Variants in ETV6 observed in about 807,000 individuals in gnomAD.
ETV6 encodes the protein transcription factor ETV6.
A neutral mutation model predicts 51.1 loss-of-function variants in ETV6; 16 were observed. The observed-to-expected ratio is 0.31, with a 90% CI of 0.21 to 0.48. The LOEUF (loss-of-function observed/expected upper bound fraction) is 0.48, where lower values mean the gene tolerates loss of function less well. ETV6 is among the 20% of genes least tolerant of loss of function. The pLI is 0.99. For synonymous variants in ETV6, 240 were observed against 224.1 expected (o/e 1.07, Z -0.64); for missense variants, 458 against 594.8 (o/e 0.77, Z 2.39).
chr12:11,844,776 T>C lies in ETV6; in HGVS notation c.328+5472T>C, dbSNP rs940638034. Among the ~76,000 whole-genome samples, 5 of 149,358 alleles carry C rather than the reference T, an allele frequency of 3.3e-5. No individual in the cohort carries two copies. The South Asian group carries it at 6.3e-4, about 19-fold the overall frequency. Reference sequence around the variant, plus strand: ...GAGCAAGCCAAAAAAAAAAAAAAAGTGTATCACACATCAGAGAAATGCTTC... The same window carrying C: ...GAGCAAGCCAAAAAAAAAAAAAAAGCGTATCACACATCAGAGAAATGCTTC... On this transcript the variant is annotated intron_variant, in intron 3 of 7. Transcript: ENST00000396373.
intron 1 of ETV6, among the ~76,000 whole-genome samples, chr12:11,676,619 T>C (rs1325231514): frequency 1.3e-5 from 2 of 152,246 alleles, no homozygotes; most frequent in Non-Finnish European, 2.9e-5. Context: ...CTGGGGTCTT[T>C]TCTTGAACTC....
intron 1 of ETV6, among the ~76,000 whole-genome samples, chr12:11,720,994 A>T (rs1315562065): frequency 6.6e-6 from 1 of 152,240 alleles, no homozygotes; most frequent in Non-Finnish European, 1.5e-5. Flanking sequence ...TCATCAGAGA[A>T]ATGCAAATCA....
chr12:11,689,828 C>G (rs554752018), intron 1 of ETV6, among the ~76,000 whole-genome samples: 59 of 125,254 alleles, frequency 4.7e-4, no homozygotes, highest in African/African-American at 1.5e-3. Context: ...CCCCCACCCC[C>G]CTTTGTCTTT....
At chr12:11,856,233 C>T (rs1043094741) in intron 4 of ETV6, among the ~76,000 whole-genome samples, 3 of 152,154 alleles carry the variant, frequency 2.0e-5, no homozygotes, top group Admixed American at 6.5e-5. Context: ...GATGTGCCAC[C>T]GCATACGCTG....
At chr12:11,727,742 T>C (rs576598673) in intron 1 of ETV6, among the ~76,000 whole-genome samples, 1 of 152,344 alleles carries the variant, frequency 6.6e-6, no homozygotes, top group South Asian at 2.1e-4. Flanking sequence ...GGCCCGCAGG[T>C]GTGAGCCCCT....
intron 1 of ETV6, among the ~76,000 whole-genome samples, chr12:11,701,208 T>C (rs534452683): frequency 1.3e-5 from 2 of 152,288 alleles, no homozygotes; most frequent in South Asian, 4.1e-4. Flanking sequence ...ATTCACATTG[T>C]TGTGCAACCA....
intron 1 of ETV6, among the ~76,000 whole-genome samples, chr12:11,722,253 T>A (rs1263560997): frequency 6.6e-6 from 1 of 152,216 alleles, no homozygotes. Context: ...TCCTCACCTT[T>A]TATTCTCCCC....
chr12:11,683,085 G>A (rs1435052766), intron 1 of ETV6, among the ~76,000 whole-genome samples: 3 of 152,120 alleles, frequency 2.0e-5, no homozygotes, highest in Non-Finnish European at 4.4e-5. Context: ...AGATGGAATC[G>A]CTCTCTCGCC....
intron 1 of ETV6, among the ~76,000 whole-genome samples, chr12:11,691,912 G>A (rs901629859): frequency 2.6e-5 from 4 of 152,222 alleles, no homozygotes; most frequent in Non-Finnish European, 4.4e-5. Flanking sequence ...CTGGGAGAAT[G>A]TTTGTGGGAA....
At chr12:11,786,095 G>C (rs919878492) in intron 2 of ETV6, among the ~76,000 whole-genome samples, 5 of 152,122 alleles carry the variant, frequency 3.3e-5, no homozygotes, top group Admixed American at 6.6e-5. Flanking sequence ...TTGAGGACGG[G>C]CTACGGTTCT....
chr12:11,740,125 G>A lies in ETV6; in HGVS notation c.34-12325G>A, dbSNP rs1009952. On this transcript the variant is annotated intron_variant, in intron 1 of 7. Transcript: ENST00000396373. ...TGGGAACAAAAAACTACATTCGTGC[G>A]TAGTACGAATTTGTGCCTGCTGGGT... 4.6e-5 allele frequency among the ~76,000 whole-genome samples: 7 copies of A among 152,330 alleles called. No individual in the cohort carries two copies. The South Asian group carries it at 6.2e-4, about 14-fold the overall frequency.
chr12:11,663,266 C>T lies in ETV6; in HGVS notation c.33+13106C>T, dbSNP rs575992633. On this transcript the variant is annotated intron_variant, in intron 1 of 7. Coordinates refer to ENST00000396373, the MANE Select transcript of ETV6 (RefSeq NM_001987.5). ...CAGCTACCAAAGGCTCAAGCTTAAG[C>T]ACCAACACTGGAGGTTAGAATTAGC... is the stretch of plus-strand genomic sequence containing the variant. 1.4e-4 allele frequency among the ~76,000 whole-genome samples: 21 copies of T among 152,320 alleles called. 1 individual carries two copies. The South Asian group carries it at 4.3e-3, about 32-fold the overall frequency.
At chr12:11,706,550 G>A (rs78738502) in intron 1 of ETV6, among the ~76,000 whole-genome samples, 3,140 of 152,342 alleles carry the variant, frequency 0.021, 57 homozygotes, top group East Asian at 0.083. Context: ...TCCATGAGGG[G>A]CAGCCCTCCT....
chr12:11,858,143 C>G (rs1304639340), intron 4 of ETV6, among the ~76,000 whole-genome samples: 3 of 152,110 alleles, frequency 2.0e-5, no homozygotes, highest in Non-Finnish European at 4.4e-5. Context: ...TAAGGACATT[C>G]TTTTTCCTTG....
chr12:11,782,272 GGTAGAT>G (rs1269919520), intron 2 of ETV6, among the ~76,000 whole-genome samples: 1 of 151,636 alleles, frequency 6.6e-6, no homozygotes, highest in African/African-American at 2.4e-5. Flanking sequence ...TTGGGTCAGT[GGTAGAT>G]GTGAACAATC....
chr12:11,878,827 G>GAAAAA (rs111309234), intron 5 of ETV6, among the ~76,000 whole-genome samples: 2 of 132,590 alleles, frequency 1.5e-5, no homozygotes. Context: ...GAGGAGGAGG[G>GAAAAA]GAAAAAAAAA....
intron 1 of ETV6, among the ~76,000 whole-genome samples, chr12:11,740,801 G>A (rs771725768): frequency 6.6e-6 from 1 of 152,090 alleles, no homozygotes; most frequent in Non-Finnish European, 1.5e-5. Flanking sequence ...TATCATGATG[G>A]CCAAGAGTTT....
chr12:11,718,010 T>G (rs1376259676), intron 1 of ETV6, among the ~76,000 whole-genome samples: 1 of 152,182 alleles, frequency 6.6e-6, no homozygotes, highest in African/African-American at 2.4e-5. Flanking sequence ...ATGCCACCTT[T>G]TAAAACAACC....
chr12:11,845,645 A>C (rs936137682), intron 3 of ETV6, among the ~76,000 whole-genome samples: 1 of 152,206 alleles, frequency 6.6e-6, no homozygotes, highest in African/African-American at 2.4e-5. Context: ...CTCCAGATTA[A>C]ATTAAAAGGT....
Sources: allele counts gnomAD v4.1 joint callset (sites outside exome capture counted in the v4.1 genomes callset), GRCh38; gene constraint gnomAD v4.1.1; transcripts MANE v1.5; gene names NCBI Gene and HGNC (gene_info 2026-07-23, HGNC 2026-07-21).